The following XIRP2 variants were observed in gnomAD, a reference collection of about 807,000 sequenced individuals.
XIRP2 encodes xin actin binding repeat containing 2, also known as xin actin-binding repeat-containing protein 2.
Under a neutral mutation model 277.0 loss-of-function variants are expected in XIRP2, and 236 were observed. The observed-to-expected ratio is 0.85, with a 90% CI of 0.77 to 0.95. The LOEUF (loss-of-function observed/expected upper bound fraction) is 0.95, where lower values mean the gene tolerates loss of function less well. Ranked by LOEUF, XIRP2 falls within the 40% of genes least tolerant of loss-of-function variation. XIRP2 has a pLI of 0.00. For missense variants in XIRP2, 4,640 were observed against 4,157.5 expected (o/e 1.12, Z -3.19); for synonymous variants, 1,490 against 1,416.5 (o/e 1.05, Z -1.17).
chr2:167,246,335 A>G lies in XIRP2; in HGVS notation c.4943A>G (p.His1648Arg), dbSNP rs1354598538. Reference sequence around the variant, plus strand: ...TTATTAAACAGATCAACTGAATTTCATGCTGAAAAAGAAGAGATAGTGAAA... The same window carrying G: ...TTATTAAACAGATCAACTGAATTTCGTGCTGAAAAAGAAGAGATAGTGAAA... The part of the protein sequence containing the change: ...TQLLNRSTEF[H>R]AEKEEIVKGD... The change falls in exon 9 of 11, where the codon CAT becomes CGT. Residue 1648 changes from histidine to arginine, a missense_variant. Coordinates refer to ENST00000409195, the MANE Select transcript of XIRP2 (RefSeq NM_152381.6). The G allele has an allele frequency of 4.3e-6, 7 of 1,612,676 alleles. No individual in the cohort carries two copies. In the South Asian group the frequency reaches 7.7e-5, roughly 18 times the overall value.
At chr2:167,108,684 T>C (rs1241439426) in intron 2 of XIRP2, among the ~76,000 whole-genome samples, 1 of 152,102 alleles carries the variant, frequency 6.6e-6, no homozygotes, top group Admixed American at 6.6e-5. Context: ...ATAGATGTTC[T>C]GCTTAGCCAA....
At chr2:166,979,373 T>TC (rs201485369) in intron 2 of XIRP2, among the ~76,000 whole-genome samples, 2 of 146,304 alleles carry the variant, frequency 1.4e-5, no homozygotes, top group South Asian at 2.2e-4. Flanking sequence ...TCTTTTCTTT[T>TC]TTTTTTTTTT....
rs1236906169 is a variant in XIRP2 at position 167,246,712 on chromosome 2, CAAG to C, written c.5324_5326del (p.Glu1775del). 3.1e-6 allele frequency: 5 copies of C among 1,613,450 alleles called. No individual in the cohort carries two copies. The African/African-American group carries it at 5.3e-5, about 17-fold the overall frequency. ...AAATGAAACACTGACAGCTAAGAAA[CAAG>C]AAGGAGAGAAAGAAATCATTGGTGG... is the stretch of plus-strand genomic sequence containing the variant. On this transcript the variant is annotated inframe_deletion, in exon 9 of 11. Transcript: ENST00000409195.
intron 2 of XIRP2, among the ~76,000 whole-genome samples, chr2:166,908,395 T>A (rs559479103): frequency 6.6e-6 from 1 of 152,378 alleles, no homozygotes; most frequent in East Asian, 1.9e-4. Flanking sequence ...ATGTGTGTGT[T>A]GGCTGCATAA....
At chr2:167,040,350 C>G (rs1200802774) in intron 2 of XIRP2, among the ~76,000 whole-genome samples, 1 of 152,086 alleles carries the variant, frequency 6.6e-6, no homozygotes. Flanking sequence ...AAACTAGGAA[C>G]TCTGCCTGGG....
intron 2 of XIRP2, among the ~76,000 whole-genome samples, chr2:167,099,474 A>G (rs906121267): frequency 6.6e-6 from 1 of 152,060 alleles, no homozygotes; most frequent in Non-Finnish European, 1.5e-5. Context: ...ACTGAGCAAG[A>G]CCACCTGGCT....
rs544561002 is a variant in XIRP2, at chr2:167,010,268, A to G, written c.408+106378A>G. On this transcript the variant is annotated intron_variant, in intron 2 of 10. Coordinates refer to ENST00000409195, the MANE Select transcript of XIRP2 (RefSeq NM_152381.6). ...TGTATAAGGTGTAAGGAAGGGATCC[A>G]GTTTCAGCTTTCTACATATGGCTAG... Among the ~76,000 whole-genome samples the G allele has an allele frequency of 6.6e-5, 10 of 152,150 alleles. No homozygotes were observed. In the South Asian group the frequency reaches 1.9e-3, roughly 28 times the overall value.
At chr2:166,922,492 A>G (rs1685076197) in intron 2 of XIRP2, among the ~76,000 whole-genome samples, 1 of 152,068 alleles carries the variant, frequency 6.6e-6, no homozygotes. Flanking sequence ...TGTACGAACT[A>G]CTTATGAAGT....
chr2:167,259,000 A>T lies in XIRP2; in HGVS notation c.*1183A>T. 1 of 1,610,782 alleles carries T rather than the reference A, an allele frequency of 6.2e-7. No homozygotes were observed. Among genetic ancestry groups the T allele is most frequent in the South Asian group, 1.1e-5 (1 of 90,846 alleles). ...GAAGTTCAATCATCTCTCCTGATAC[A>T]AATCTCTTAAACATTAAAGGAAGCC... On this transcript the variant is annotated 3_prime_UTR_variant, in exon 11 of 11. Coordinates refer to ENST00000409195, the MANE Select transcript of XIRP2 (RefSeq NM_152381.6).
intron 5 of XIRP2, among the ~76,000 whole-genome samples, chr2:167,220,925 A>G (rs1208885616): frequency 6.6e-6 from 1 of 152,220 alleles, no homozygotes; most frequent in Non-Finnish European, 1.5e-5. Context: ...TATGAAAGTA[A>G]TAAAAATCAT....
chr2:167,192,561 T>G (rs1423934133), intron 3 of XIRP2, among the ~76,000 whole-genome samples: 1 of 152,240 alleles, frequency 6.6e-6, no homozygotes, highest in Non-Finnish European at 1.5e-5. Context: ...TTTTTTAATC[T>G]GGACTCAAGG....
chr2:167,239,579 G>C (rs1694994479), intron 5 of XIRP2, among the ~76,000 whole-genome samples: 1 of 152,116 alleles, frequency 6.6e-6, no homozygotes, highest in South Asian at 2.1e-4. Flanking sequence ...GGAATGGATT[G>C]TCCCCTCCAG....
Position 167,245,171 on chromosome 2 carries a change from G to A in XIRP2, c.3779G>A (p.Cys1260Tyr). 1.2e-6 allele frequency: 2 copies of A among 1,613,468 alleles called. No homozygotes were observed. Among genetic ancestry groups the A allele is most frequent in the Non-Finnish European group, 1.7e-6 (2 of 1,179,642 alleles). ...KIKESQEGDE[C>Y]VKTVTDIQGG... is the part of the protein sequence containing the mutation. ...AAAGAAAGCCAAGAAGGTGATGAAT[G>A]TGTTAAGACGGTGACAGACATACAA... Residue 1260 changes from cysteine (C) to tyrosine (Y), a missense_variant, in exon 9 of 11, where the codon TGT becomes TAT. Transcript: ENST00000409195.
intron 2 of XIRP2, among the ~76,000 whole-genome samples, chr2:167,050,471 A>G (rs772893566): frequency 3.3e-5 from 5 of 152,064 alleles, no homozygotes; most frequent in African/African-American, 4.8e-5. Flanking sequence ...ACGAAAGCCC[A>G]GAGTATGAAA....
chr2:166,984,500 A>G (rs1686951669), intron 2 of XIRP2, among the ~76,000 whole-genome samples: 1 of 152,160 alleles, frequency 6.6e-6, no homozygotes, highest in Non-Finnish European at 1.5e-5. Flanking sequence ...AAAGATTACT[A>G]TAAAATAATA....
chr2:167,176,222 G>A (rs533441903), intron 3 of XIRP2, among the ~76,000 whole-genome samples: 20 of 152,248 alleles, frequency 1.3e-4, no homozygotes, highest in South Asian at 4.1e-4. Flanking sequence ...GCCCAGTTTC[G>A]TGCTTGAAAC....
rs777816071 is a variant in XIRP2, at chr2:167,248,188, G to A, written c.6796G>A (p.Ala2266Thr). Residue 2266 changes from alanine to threonine, a missense_variant, in exon 9 of 11, where the codon GCA becomes ACA. By Grantham distance (58) the Ala-to-Thr change is moderately conservative (BLOSUM62 0). Coordinates refer to ENST00000409195, the MANE Select transcript of XIRP2 (RefSeq NM_152381.6). ...AAATACTTCCACAGGCTTAAAAATG[G>A]CAATGGAAAGGTCCTTGAATCCAAT... Reference protein sequence around the residue: ...KTNTSTGLKMAMERSLNPINF... With the variant: ...KTNTSTGLKMTMERSLNPINF... 2 of 1,613,618 alleles carry A rather than the reference G, an allele frequency of 1.2e-6. No homozygotes were observed. The highest frequency in any genetic ancestry group is 1.7e-6 in the Non-Finnish European group (2 of 1,179,762).
rs1157203657 is a variant in XIRP2, at chr2:167,135,931, T to A, written c.431T>A (p.Leu144Ter). 6.2e-7 allele frequency: 1 copy of A among 1,602,568 alleles called. No individual in the cohort carries two copies. The highest frequency in any genetic ancestry group is 2.3e-5 in the East Asian group (1 of 44,320). The change falls in exon 3 of 11, where the codon TTG becomes TAG. Residue 144 changes from leucine (L) to a stop codon, truncating the protein, a stop_gained. Transcript: ENST00000409195. LOFTEE classifies it high-confidence loss of function. ...CAGGAAGTGGAAATTGAGCGAAGTTTGTGCTCGCCAGCTTTTAAGAGTCAC... is the reference window on the plus strand; with the variant it reads ...CAGGAAGTGGAAATTGAGCGAAGTTAGTGCTCGCCAGCTTTTAAGAGTCAC... The part of the protein sequence containing the change: ...GGKEVEIERS[L>*]CSPAFKSHPG...
At chr2:166,974,641 G>T (rs1024871526) in intron 2 of XIRP2, among the ~76,000 whole-genome samples, 5 of 151,958 alleles carry the variant, frequency 3.3e-5, no homozygotes, top group African/African-American at 1.2e-4. Flanking sequence ...GATGAAAAGT[G>T]ATAAGGAGGT....
Sources: gnomAD v4.1 joint callset for allele counts (sites outside exome capture counted in the v4.1 genomes callset) on GRCh38, gnomAD v4.1.1 for gene constraint, MANE v1.5 for transcripts, NCBI Gene and HGNC (gene_info 2026-07-23, HGNC 2026-07-21) for gene names.